AGPAT3: variants seen among roughly 807,000 people sequenced by gnomAD.
AGPAT3 encodes 1-acylglycerol-3-phosphate O-acyltransferase 3.
AGPAT3 carries 5 observed loss-of-function variants against 47.3 expected under a neutral mutation model. The observed-to-expected ratio is 0.11, with a 90% CI of 0.06 to 0.22. AGPAT3 has a LOEUF of 0.22. Among genes scored for constraint, AGPAT3 ranks in the 10% least tolerant of loss-of-function variants. AGPAT3 has a pLI of 1.00. For missense variants in AGPAT3, 315 were observed against 493.0 expected, an observed-to-expected ratio of 0.64 and a Z score of 3.42; for synonymous variants, 212 against 208.3, an observed-to-expected ratio of 1.02 and a Z score of -0.15.
intron 1 of AGPAT3, among the ~76,000 whole-genome samples, chr21:43,889,283 T>G: frequency 2.3e-5 from 3 of 132,042 alleles, no homozygotes; most frequent in Admixed American, 7.9e-5. Flanking sequence ...GTGGTTGTTG[T>G]GGGTTTTTTT....
intron 2 of AGPAT3, among the ~76,000 whole-genome samples, chr21:43,918,987 A>G (rs2086826596): frequency 6.6e-6 from 1 of 152,098 alleles, no homozygotes; most frequent in Non-Finnish European, 1.5e-5. Context: ...TTATTACTTA[A>G]CATTCTTTTC....
chr21:43,921,230 C>T (rs2086884934), intron 2 of AGPAT3, among the ~76,000 whole-genome samples: 1 of 152,208 alleles, frequency 6.6e-6, no homozygotes, highest in African/African-American at 2.4e-5. Context: ...GCTGGTCAGT[C>T]AGAAGCACTG....
At chr21:43,973,406 G>A (rs1034405883) in intron 7 of AGPAT3, among the ~76,000 whole-genome samples, 1 of 152,226 alleles carries the variant, frequency 6.6e-6, no homozygotes, top group Non-Finnish European at 1.5e-5. Flanking sequence ...CTTCACGAGA[G>A]GAGCCCTTGA....
intron 1 of AGPAT3, among the ~76,000 whole-genome samples, chr21:43,889,663 C>T (rs1042247389): frequency 2.0e-5 from 3 of 152,160 alleles, no homozygotes; most frequent in African/African-American, 7.2e-5. Flanking sequence ...TACAGCCATG[C>T]CACCCTGAAC....
intron 1 of AGPAT3, chr21:43,882,486 T>C (rs1050775667): frequency 6.6e-6 from 1 of 152,296 alleles, no homozygotes; most frequent in African/African-American, 2.4e-5. Context: ...CAAAGCAGGC[T>C]TCCTCTTCCT....
At chr21:43,911,964 G>C (rs1056518043) in intron 2 of AGPAT3, among the ~76,000 whole-genome samples, 1 of 152,264 alleles carries the variant, frequency 6.6e-6, no homozygotes, top group Non-Finnish European at 1.5e-5. Context: ...TGCCCCTGGA[G>C]CTTCCAGGCT....
chr21:43,981,304 T>C lies in AGPAT3; in HGVS notation c.1042+117T>C, dbSNP rs1303089058. The C allele has an allele frequency of 1.3e-5, 15 of 1,139,342 alleles. No homozygotes were observed. Among genetic ancestry groups the C allele is most frequent in the Admixed American group, 9.9e-5 (5 of 50,658 alleles). 70.6% of individuals were successfully genotyped at this position (1,139,342 alleles called of 1,614,324 possible). Reference sequence around the variant, plus strand: ...GTGGGAGGCAGGGGCCTGGCTGTTATGGACCCTGGAGCCAGGATCCCCCCA... The same window carrying C: ...GTGGGAGGCAGGGGCCTGGCTGTTACGGACCCTGGAGCCAGGATCCCCCCA... On this transcript the variant is annotated intron_variant, in intron 9 of 9. Transcript: ENST00000291572. The surrounding 1 kb of genome is among the most constrained non-coding windows in gnomAD (Gnocchi z 5.3).
At position 43,987,282 on chromosome 21, in the gene AGPAT3, C is replaced by T. The variant is rs1200354777; in HGVS notation, c.*4890C>T. Reference sequence around the variant, plus strand: ...CGGGCTCTGTTTCCTTGGAGGCCATCCTGCCGATGGCACTTTTCAAGGCCC... The same window carrying T: ...CGGGCTCTGTTTCCTTGGAGGCCATTCTGCCGATGGCACTTTTCAAGGCCC... On this transcript the variant is annotated 3_prime_UTR_variant, in exon 10 of 10. Coordinates refer to ENST00000291572, the MANE Select transcript of AGPAT3 (RefSeq NM_020132.5). Among the ~76,000 whole-genome samples the T allele has an allele frequency of 2.6e-5, 4 of 152,196 alleles. No individual in the cohort carries two copies. Among genetic ancestry groups the T allele is most frequent in the Non-Finnish European group, 5.9e-5 (4 of 68,022 alleles).
chr21:43,887,211 G>A (rs562980780), intron 1 of AGPAT3, among the ~76,000 whole-genome samples: 14 of 152,336 alleles, frequency 9.2e-5, no homozygotes, highest in African/African-American at 3.1e-4. Flanking sequence ...CTTGGTGCCT[G>A]TGGCCACTGT....
chr21:43,898,837 A>C (rs2086285958), intron 1 of AGPAT3, among the ~76,000 whole-genome samples: 1 of 151,894 alleles, frequency 6.6e-6, no homozygotes, highest in Non-Finnish European at 1.5e-5. Flanking sequence ...TGTGTATTTA[A>C]ATTCTTTTTT....
intron 1 of AGPAT3, among the ~76,000 whole-genome samples, chr21:43,900,395 G>A (rs1032375028): frequency 6.6e-6 from 1 of 152,222 alleles, no homozygotes; most frequent in Non-Finnish European, 1.5e-5. Flanking sequence ...GACACTGGTG[G>A]CAGGCCGTGT....
rs1442398490 is a variant in AGPAT3 at position 43,952,364 on chromosome 21, A to C, written c.-48-7270A>C. ...ACTGTGTTAAAGGCCCTGTCTCCAA[A>C]TAAGGTCACATTTCGAGGACCTGGG... is the stretch of plus-strand genomic sequence containing the variant. On this transcript the variant is annotated intron_variant, in intron 2 of 9. Transcript: ENST00000291572. The surrounding 1 kb of genome is among the most constrained non-coding windows in gnomAD (Gnocchi z 5.6). 1.3e-5 allele frequency among the ~76,000 whole-genome samples: 2 copies of C among 152,194 alleles called. No individual in the cohort carries two copies. Among genetic ancestry groups the C allele is most frequent in the Non-Finnish European group, 2.9e-5 (2 of 68,032 alleles).
intron 2 of AGPAT3, among the ~76,000 whole-genome samples, chr21:43,936,714 G>A (rs185049319): frequency 6.6e-6 from 1 of 152,302 alleles, no homozygotes; most frequent in Non-Finnish European, 1.5e-5. Flanking sequence ...TTTCCCGACC[G>A]CAGCTCTTGG....
chr21:43,938,689 G>T (rs2087534771), intron 2 of AGPAT3, among the ~76,000 whole-genome samples: 1 of 152,194 alleles, frequency 6.6e-6, no homozygotes, highest in South Asian at 2.1e-4. Context: ...GATCTGCCTG[G>T]TTGCCTTACC....
At chr21:43,902,197 CG>C (rs1308032457) in intron 1 of AGPAT3, among the ~76,000 whole-genome samples, 1 of 152,094 alleles carries the variant, frequency 6.6e-6, no homozygotes, top group Non-Finnish European at 1.5e-5. Flanking sequence ...AAATGAGAGC[CG>C]GTTTCTGATC....
At chr21:43,929,928 C>G (rs2087184440) in intron 2 of AGPAT3, among the ~76,000 whole-genome samples, 2 of 152,252 alleles carry the variant, frequency 1.3e-5, no homozygotes, top group East Asian at 3.8e-4. Context: ...TCTCATTAAC[C>G]TCATAAATGC....
At chr21:43,916,671 G>A (rs2146135540) in intron 2 of AGPAT3, among the ~76,000 whole-genome samples, 1 of 151,936 alleles carries the variant, frequency 6.6e-6, no homozygotes, top group East Asian at 1.9e-4. Flanking sequence ...CAGTGCGAAT[G>A]TTGTCCTTTT....
Position 43,952,848 on chromosome 21 carries a change from A to T in AGPAT3, c.-48-6786A>T, listed in dbSNP as rs1233840557. On this transcript the variant is annotated intron_variant, in intron 2 of 9. Transcript: ENST00000291572. This position sits in a 1 kb window ranked among gnomAD's most constrained non-coding sequence, Gnocchi z 5.6. Reference sequence around the variant, plus strand: ...AGCCCCAGAAATCAGATGGAGCCCCAGAGGTCCCACCCCTGAGGTCCCACC... The same window carrying T: ...AGCCCCAGAAATCAGATGGAGCCCCTGAGGTCCCACCCCTGAGGTCCCACC... 6.6e-6 allele frequency among the ~76,000 whole-genome samples: 1 copy of T among 151,964 alleles called. No homozygotes were observed. The highest frequency in any genetic ancestry group is 1.5e-5 in the Non-Finnish European group (1 of 67,958).
chr21:43,912,820 G>T (rs2086655271), intron 2 of AGPAT3, among the ~76,000 whole-genome samples: 1 of 152,212 alleles, frequency 6.6e-6, no homozygotes, highest in Non-Finnish European at 1.5e-5. Context: ...TATTTACTGT[G>T]GGTATTCCAT....
Sources: allele counts gnomAD v4.1 joint callset (sites outside exome capture counted in the v4.1 genomes callset), GRCh38; gene constraint gnomAD v4.1.1; non-coding constraint Gnocchi (gnomAD v3.1); transcripts MANE v1.5; gene names NCBI Gene and HGNC (gene_info 2026-07-23, HGNC 2026-07-21).